Variants in MYO5B observed in about 807,000 individuals in gnomAD.
MYO5B encodes unconventional myosin-Vb.
Under a neutral mutation model 229.3 loss-of-function variants are expected in MYO5B, and 143 were observed. The ratio of observed to expected loss-of-function variants is 0.62; its 90% CI spans 0.54 to 0.72. MYO5B has a LOEUF of 0.72. MYO5B is among the 30% of genes least tolerant of loss of function. The pLI is 0.00. For synonymous variants in MYO5B, 918 were observed against 885.2 expected, an observed-to-expected ratio of 1.04 and a Z score of -0.66; for missense variants, 2,321 against 2,331.0, an observed-to-expected ratio of 1.00 and a Z score of 0.09.
rs72925932 is a variant in MYO5B at position 49,839,310 on chromosome 18, C to T, written c.4702-16G>A. 1.2e-5 allele frequency: 20 copies of T among 1,612,074 alleles called. No individual in the cohort carries two copies. Among genetic ancestry groups the T allele is most frequent in the East Asian group, 6.7e-5 (3 of 44,884 alleles). The stretch of plus-strand genomic sequence containing the variant: ...TCATGAAGCCCTGCAGAGGGAGAGG[C>T]GTGCACTACTGAGTTCTCTGGTCTG... On this transcript the variant is annotated splice_polypyrimidine_tract_variant and intron_variant, in intron 35 of 39. Coordinates refer to ENST00000285039, the MANE Select transcript of MYO5B (RefSeq NM_001080467.3).
At position 50,003,712 on chromosome 18, in the gene MYO5B, C is replaced by T. The variant is rs552761340; in HGVS notation, c.456-2301G>A. 8.5e-5 allele frequency among the ~76,000 whole-genome samples: 13 copies of T among 152,278 alleles called. No individual in the cohort carries two copies. In the South Asian group the frequency reaches 2.5e-3, roughly 29 times the overall value. ...AATAAGGAGAACTAGATTATAGCAG[C>T]GACACCCAAAAGTATAGAGTTATGT... On this transcript the variant is annotated intron_variant, in intron 4 of 39. Coordinates refer to ENST00000285039, the MANE Select transcript of MYO5B (RefSeq NM_001080467.3).
At chr18:49,990,339 A>G in intron 7 of MYO5B, 100 bp downstream of exon 7, 1 of 993,884 alleles carries the variant, frequency 1.0e-6, no homozygotes, top group Non-Finnish European at 1.6e-6. Flanking sequence ...CAGAGCCGAG[A>G]CAAGAACCCA....
At position 49,842,595 on chromosome 18, in the gene MYO5B, A is replaced by G. The variant is rs9954634; in HGVS notation, c.4611+646T>C. ...AGGGTTCATCTCCCTCAAGAATCTC[A>G]CCTCCCCCACTGCCTGGCCCTCATC... On this transcript the variant is annotated intron_variant, in intron 34 of 39. Coordinates refer to ENST00000285039, the MANE Select transcript of MYO5B (RefSeq NM_001080467.3). 8.2e-3 allele frequency among the ~76,000 whole-genome samples: 1,244 copies of G among 151,576 alleles called. 10 individuals carry two copies. Among genetic ancestry groups the G allele is most frequent in the African/African-American group, 0.028 (1,152 of 41,290 alleles).
intron 4 of MYO5B, among the ~76,000 whole-genome samples, chr18:50,017,666 G>A (rs1261360643): frequency 6.6e-6 from 1 of 152,138 alleles, no homozygotes; most frequent in African/African-American, 2.4e-5. Flanking sequence ...ATGTTTTATA[G>A]GTATAATAGT....
intron 31 of MYO5B, among the ~76,000 whole-genome samples, chr18:49,853,151 C>T (rs935969193): frequency 6.6e-6 from 1 of 152,196 alleles, no homozygotes; most frequent in African/African-American, 2.4e-5. Context: ...TCTCGCTGTT[C>T]CTGCTTTCAT....
At chr18:49,972,815 G>C (rs2025705311) in intron 10 of MYO5B, among the ~76,000 whole-genome samples, 1 of 152,078 alleles carries the variant, frequency 6.6e-6, no homozygotes, top group Non-Finnish European at 1.5e-5. Context: ...GACCAGAGGA[G>C]AAGGGGCCTG....
intron 1 of MYO5B, among the ~76,000 whole-genome samples, chr18:50,163,019 T>G (rs2032792838): frequency 6.6e-6 from 1 of 152,210 alleles, no homozygotes; most frequent in African/African-American, 2.4e-5. Context: ...ATGATTTTTG[T>G]TTGTGTTCAT....
chr18:50,043,361 ATAT>A (rs1451068480), intron 2 of MYO5B, among the ~76,000 whole-genome samples: 4 of 80,960 alleles, frequency 4.9e-5, no homozygotes, highest in Non-Finnish European at 9.4e-5. Flanking sequence ...TAATATAAAT[ATAT>A]TATATAATAT....
rs374640744 is a variant in MYO5B at position 49,937,256 on chromosome 18, C to T, written c.1894G>A (p.Val632Ile). The T allele has an allele frequency of 1.6e-5, 26 of 1,613,966 alleles. No individual in the cohort carries two copies. Among genetic ancestry groups the T allele is most frequent in the Middle Eastern group, 1.6e-4 (1 of 6,082 alleles). Residue 632 changes from valine (V) to isoleucine (I), a missense_variant, in exon 15 of 40, where the codon GTT becomes ATT. Around this residue, in one of 2 missense-constraint regions of MYO5B, gnomAD observed 2,113 missense variants for 2,044.7 expected, o/e 1.03. Transcript: ENST00000285039. ...GGTCCGGGGCTGACCTGGTGGCCAA[C>T]GGTTTTCTTGTGCTCCTTGTTGGAG... ...KVSNKEHKKTVGHQFRTSLHL... is the reference protein window; with the variant it reads ...KVSNKEHKKTIGHQFRTSLHL...
At chr18:50,167,005 A>G (rs1355687763) in intron 1 of MYO5B, among the ~76,000 whole-genome samples, 1 of 152,242 alleles carries the variant, frequency 6.6e-6, no homozygotes, top group African/African-American at 2.4e-5. Context: ...AGACGCCTGG[A>G]AAGTCTTTAA....
chr18:49,931,400 T>A (rs528173789), intron 16 of MYO5B, among the ~76,000 whole-genome samples: 1 of 152,258 alleles, frequency 6.6e-6, no homozygotes, highest in Admixed American at 6.5e-5. Context: ...ATCTTCTCCA[T>A]AAAATCTTCC....
chr18:50,126,997 C>A (rs1041948535), intron 1 of MYO5B, among the ~76,000 whole-genome samples: 3 of 152,142 alleles, frequency 2.0e-5, no homozygotes, highest in Admixed American at 6.5e-5. Context: ...ACAATCCTTG[C>A]CACATAGAGA....
At chr18:50,110,419 T>A (rs1020563694) in intron 1 of MYO5B, among the ~76,000 whole-genome samples, 2 of 152,138 alleles carry the variant, frequency 1.3e-5, no homozygotes, top group Non-Finnish European at 2.9e-5. Context: ...ACTCAAGGAT[T>A]TGGAAGATAG....
chr18:50,082,058 C>A (rs1220017321), intron 1 of MYO5B, among the ~76,000 whole-genome samples: 1 of 152,260 alleles, frequency 6.6e-6, no homozygotes, highest in Non-Finnish European at 1.5e-5. Context: ...TCAGTGCCAT[C>A]TGCAGAAAAA....
intron 1 of MYO5B, among the ~76,000 whole-genome samples, chr18:50,121,825 T>TG (rs2032062288): frequency 6.6e-6 from 1 of 152,236 alleles, no homozygotes; most frequent in Non-Finnish European, 1.5e-5. Flanking sequence ...TCCTGACTCA[T>TG]GGATCTACTA....
At chr18:49,980,160 A>G (rs544682366) in intron 9 of MYO5B, among the ~76,000 whole-genome samples, 1 of 152,328 alleles carries the variant, frequency 6.6e-6, no homozygotes, top group South Asian at 2.1e-4. Context: ...TTGATTGACA[A>G]CAAGTAGAAT....
At chr18:49,943,956 T>G (rs777212004) in intron 14 of MYO5B, among the ~76,000 whole-genome samples, 6 of 152,104 alleles carry the variant, frequency 3.9e-5, no homozygotes, top group African/African-American at 7.2e-5. Flanking sequence ...GTGGAAGTAA[T>G]GGCACCTATG....
chr18:50,032,866 A>G (rs1357973842), intron 4 of MYO5B, among the ~76,000 whole-genome samples: 1 of 152,092 alleles, frequency 6.6e-6, no homozygotes, highest in Non-Finnish European at 1.5e-5. Flanking sequence ...AGGTACCTTT[A>G]ATCCTAGTTA....
chr18:49,901,424 G>A (rs764399679), intron 21 of MYO5B, among the ~76,000 whole-genome samples: 1 of 152,154 alleles, frequency 6.6e-6, no homozygotes, highest in Non-Finnish European at 1.5e-5. Context: ...CCCCCTACAG[G>A]GATATTTAAT....
Sources: allele counts gnomAD v4.1 joint callset (sites outside exome capture counted in the v4.1 genomes callset), GRCh38; gene constraint gnomAD v4.1.1; regional missense constraint gnomAD v4.1.1; transcripts MANE v1.5; gene names NCBI Gene and HGNC (gene_info 2026-07-23, HGNC 2026-07-21).